Variants in ERMAP observed in about 807,000 individuals in gnomAD.
ERMAP encodes erythroid membrane-associated protein.
A neutral mutation model predicts 49.5 loss-of-function variants in ERMAP; 34 were observed. The observed-to-expected ratio is 0.69, with a 90% CI of 0.52 to 0.91. The LOEUF (loss-of-function observed/expected upper bound fraction) is 0.91, where lower values mean the gene tolerates loss of function less well. ERMAP is among the 40% of genes least tolerant of loss of function. The pLI, the probability that ERMAP is intolerant of heterozygous loss-of-function variation, is 0.00. For synonymous variants in ERMAP, 214 were observed against 232.2 expected, an observed-to-expected ratio of 0.92 and a Z score of 0.71; for missense variants, 541 against 582.6, an observed-to-expected ratio of 0.93 and a Z score of 0.74.
intron 1 of ERMAP, chr1:42,825,346 T>G (rs1014017019): frequency 4.5e-6 from 2 of 440,240 alleles, no homozygotes; most frequent in African/African-American, 4.3e-5. Flanking sequence ...AGAAAGAATG[T>G]GATAGGATCA....
At chr1:42,825,980 CATTT>C (rs1553149275) in intron 2 of ERMAP, among the ~76,000 whole-genome samples, 1 of 152,150 alleles carries the variant, frequency 6.6e-6, no homozygotes, top group Non-Finnish European at 1.5e-5. Context: ...TTAAAGCCAA[CATTT>C]ATTTAGCTCT....
At chr1:42,833,246 A>G (rs1654799544) in intron 4 of ERMAP, among the ~76,000 whole-genome samples, 2 of 152,262 alleles carry the variant, frequency 1.3e-5, no homozygotes, top group African/African-American at 4.8e-5. Flanking sequence ...TCTAAGAATA[A>G]AGCATATATA....
intron 1 of ERMAP, 98 bp from the exon 2 acceptor site, chr1:42,825,525 T>TCGCCGTATCA: frequency 8.3e-7 from 1 of 1,201,832 alleles, no homozygotes; most frequent in Non-Finnish European, 1.1e-6. Context: ...GGCTTGCTGG[T>TCGCCGTATCA]TTACAGGGAC....
chr1:42,834,845 G>A (rs1400719203), intron 4 of ERMAP, 193 bp from the exon 5 acceptor site: 9 of 526,898 alleles, frequency 1.7e-5, no homozygotes, highest in South Asian at 4.8e-5. Flanking sequence ...GTGAGCCACC[G>A]TTCCCAGCCT....
chr1:42,840,349 G>A (rs1387934573), intron 11 of ERMAP, 53 bp downstream of exon 11: 2 of 1,609,610 alleles, frequency 1.2e-6, no homozygotes, highest in Non-Finnish European at 1.7e-6. Flanking sequence ...CCTCCTTATG[G>A]CTTTGTAACC....
intron 1 of ERMAP, among the ~76,000 whole-genome samples, chr1:42,824,242 G>A (rs1157186784): frequency 1.1e-4 from 16 of 151,946 alleles, no homozygotes; most frequent in Admixed American, 9.2e-4. Context: ...CAGCTACTCC[G>A]GAGGCTGAGG....
chr1:42,839,042 G>A, intron 8 of ERMAP, 121 bp downstream of exon 8: 2 of 1,506,424 alleles, frequency 1.3e-6, no homozygotes, highest in Non-Finnish European at 1.8e-6. Context: ...TCAAGCCATG[G>A]GGACTGGGGC....
Position 42,844,510 on chromosome 1 carries a change from C to T in ERMAP, c.*1278C>T, listed in dbSNP as rs547832482. On this transcript the variant is annotated 3_prime_UTR_variant, in exon 12 of 12. Transcript: ENST00000372517. This position sits in a 1 kb window ranked among gnomAD's most constrained non-coding sequence, Gnocchi z 4.0. ...GTGGTTATTATAAGGAATTGGCTCA[C>T]GTGATTATGGAGGCGGTTAAATCCC... 3.1e-5 allele frequency: 5 copies of T among 161,830 alleles called. No homozygotes were observed. Among genetic ancestry groups the T allele is most frequent in the Non-Finnish European group, 5.4e-5 (4 of 74,688 alleles). 10.0% of individuals were successfully genotyped at this position (161,830 alleles called of 1,614,324 possible).
chr1:42,830,426 T>C lies in ERMAP; in HGVS notation c.-5-18T>C, dbSNP rs1373488112. 1 of 1,612,968 alleles carries C rather than the reference T, an allele frequency of 6.2e-7. No individual in the cohort carries two copies. The highest frequency in any genetic ancestry group is 1.7e-5 in the Admixed American group (1 of 60,020). ...AGCCCATCAGCCCGCTTGTGCTGTCTCCCTCTGTCTGTCCTAGTTCGGATG... is the reference window on the plus strand; with the variant it reads ...AGCCCATCAGCCCGCTTGTGCTGTCCCCCTCTGTCTGTCCTAGTTCGGATG... On this transcript the variant is annotated intron_variant, in intron 2 of 11. Transcript: ENST00000372517.
chr1:42,837,029 G>A, intron 6 of ERMAP, 129 bp from the exon 7 acceptor site: 1 of 886,736 alleles, frequency 1.1e-6, no homozygotes, highest in Non-Finnish European at 1.8e-6. Context: ...GAGTTGATTA[G>A]AGACCGGATC....
chr1:42,831,224 T>C, intron 4 of ERMAP, 109 bp downstream of exon 4: 1 of 1,332,098 alleles, frequency 7.5e-7, no homozygotes, highest in Admixed American at 2.4e-5. Flanking sequence ...TGCAGTGTAG[T>C]TTTTACTTGC....
At position 42,831,569 on chromosome 1, in the gene ERMAP, T is replaced by TC. The variant is rs1553149738; in HGVS notation, c.433+454_433+455insC. On this transcript the variant is annotated intron_variant, in intron 4 of 11. Coordinates refer to ENST00000372517, the MANE Select transcript of ERMAP (RefSeq NM_001017922.2). ...GGAGAGATAGTGTTTTTTTTTTTTT[T>TC]TTTCTCTTTTTTTTTTTTTTTTTTT... Among the ~76,000 whole-genome samples, 171 of 94,704 alleles carry TC rather than the reference T, an allele frequency of 1.8e-3. 3 individuals are homozygous for TC. Among genetic ancestry groups the TC allele is most frequent in the East Asian group, 4.3e-3 (10 of 2,314 alleles). 62.1% of individuals were successfully genotyped at this position (94,704 alleles called of 152,430 possible).
At chr1:42,817,388 G>A in intron 1 of ERMAP, 135 bp downstream of exon 1, 1 of 463,786 alleles carries the variant, frequency 2.2e-6, no homozygotes, top group Non-Finnish European at 3.0e-6. Context: ...GAGCGGCCGC[G>A]CGTGCGCAGA....
chr1:42,820,184 G>A (rs1365986362), intron 1 of ERMAP, among the ~76,000 whole-genome samples: 2 of 152,016 alleles, frequency 1.3e-5, no homozygotes, highest in Non-Finnish European at 2.9e-5. Flanking sequence ...TCTGACTTGT[G>A]TTACTTCCCA....
At position 42,844,417 on chromosome 1, in the gene ERMAP, C is replaced by T. The variant is rs577073729; in HGVS notation, c.*1185C>T. ...ATCTTTCTGTTTGTCAGAAGTTCTC[C>T]GTTAGTTCCTGTATTAGTCAAGGTT... is the stretch of plus-strand genomic sequence containing the variant. On this transcript the variant is annotated 3_prime_UTR_variant, in exon 12 of 12. Transcript: ENST00000372517. The surrounding 1 kb of genome is among the most constrained non-coding windows in gnomAD (Gnocchi z 4.0). 58 of 277,470 alleles carry T rather than the reference C, an allele frequency of 2.1e-4. No homozygotes were observed. The highest frequency in any genetic ancestry group is 9.7e-4 in the Middle Eastern group (1 of 1,030). 17.2% of individuals were successfully genotyped at this position (277,470 alleles called of 1,614,324 possible).
chr1:42,825,707 G>A lies in ERMAP; in HGVS notation c.-37G>A. 7.8e-7 allele frequency: 1 copy of A among 1,289,396 alleles called. No homozygotes were observed. Among genetic ancestry groups the A allele is most frequent in the Non-Finnish European group, 1.0e-6 (1 of 988,874 alleles). The allele number at this position is 1,289,396 out of a possible 1,614,324, so 79.9% of individuals were successfully genotyped here. ...GCTTGCAAACTCCAGCTTTGCCTGT[G>A]AGAGGAACAAGCGTCCCTGATCCAG... is the stretch of plus-strand genomic sequence containing the variant. On this transcript the variant is annotated 5_prime_UTR_variant, in exon 2 of 12. Transcript: ENST00000372517.
Position 42,842,842 on chromosome 1 carries a change from G to C in ERMAP, c.1038G>C (p.Gln346His), listed in dbSNP as rs1655103838. 18 of 1,614,178 alleles carry C rather than the reference G, an allele frequency of 1.1e-5. No homozygotes were observed. The highest frequency in any genetic ancestry group is 1.4e-5 in the Non-Finnish European group (17 of 1,180,028). The change falls in exon 12 of 12, where the codon CAG (glutamine) becomes CAC (histidine). Residue 346 changes from glutamine (Q) to histidine (H), a missense_variant. Coordinates refer to ENST00000372517, the MANE Select transcript of ERMAP (RefSeq NM_001017922.2). ...GNEYEALTSP[Q>H]TSFRLKEPPR... Reference sequence around the variant, plus strand: ...AGTATGAAGCTCTCACATCCCCGCAGACCTCCTTCCGCCTTAAAGAGCCTC... The same window carrying C: ...AGTATGAAGCTCTCACATCCCCGCACACCTCCTTCCGCCTTAAAGAGCCTC...
chr1:42,829,096 T>C (rs576157517), intron 2 of ERMAP, among the ~76,000 whole-genome samples: 4 of 152,184 alleles, frequency 2.6e-5, no homozygotes, highest in South Asian at 2.1e-4. Flanking sequence ...TAGTAACCTA[T>C]AGGAAAGTGG....
rs1654524464 is a variant in ERMAP, at chr1:42,825,718, G to A, written c.-26G>A. ...CCAGCTTTGCCTGTGAGAGGAACAA[G>A]CGTCCCTGATCCAGAAGGTGGTGAG... On this transcript the variant is annotated 5_prime_UTR_variant, in exon 2 of 12. Transcript: ENST00000372517. 1 of 1,289,412 alleles carries A rather than the reference G, an allele frequency of 7.8e-7. No individual in the cohort carries two copies. The highest frequency in any genetic ancestry group is 1.0e-6 in the Non-Finnish European group (1 of 988,878). 79.9% of individuals were successfully genotyped at this position (1,289,412 alleles called of 1,614,324 possible). A position where few individuals can be genotyped will look rare whatever the true frequency, so the allele number is the denominator to read the frequency against.
Sources: allele counts gnomAD v4.1 joint callset (sites outside exome capture counted in the v4.1 genomes callset), GRCh38; gene constraint gnomAD v4.1.1; non-coding constraint Gnocchi (gnomAD v3.1); transcripts MANE v1.5; gene names NCBI Gene and HGNC (gene_info 2026-07-23, HGNC 2026-07-21).